Variants in MYT1L observed in about 807,000 individuals in gnomAD.
The protein encoded by MYT1L is myelin transcription factor 1-like protein.
Under a neutral mutation model 126.7 loss-of-function variants are expected in MYT1L, and 12 were observed. That is an observed-to-expected ratio of 0.09 (90% CI 0.06 to 0.15). MYT1L has a LOEUF of 0.15. Among genes scored for constraint, MYT1L ranks in the 10% least tolerant of loss-of-function variants. MYT1L has a pLI of 1.00. For synonymous variants in MYT1L, 541 were observed against 604.2 expected (o/e 0.90, Z 1.53); for missense variants, 979 against 1,585.2 (o/e 0.62, Z 6.49).
rs779322763 is a variant in MYT1L at position 1,839,160 on chromosome 2, G to T, written c.3069C>A (p.Leu1023=). The change falls in exon 21 of 25, where the codon CTC becomes CTA. Residue 1023 remains leucine (L), a synonymous_variant. Transcript: ENST00000647738. ...DGSGHVSGSF[L]THRSLSGCPR... ...ACGCGGCCACTCACCTGCGGTGTGT[G>T]AGGAAGCTGCCGCTGACGTGGCCTG... is the stretch of plus-strand genomic sequence containing the variant. 20 of 1,611,968 alleles carry T rather than the reference G, an allele frequency of 1.2e-5. No homozygotes were observed. Among genetic ancestry groups the T allele is most frequent in the Admixed American group, 1.7e-5 (1 of 59,966 alleles).
intron 2 of MYT1L, among the ~76,000 whole-genome samples, chr2:2,250,818 T>C (rs1334339478): frequency 6.6e-6 from 1 of 152,032 alleles, no homozygotes; most frequent in Non-Finnish European, 1.5e-5. Flanking sequence ...AAAAAGGAAA[T>C]TGAGAAAAAG....
intron 19 of MYT1L, among the ~76,000 whole-genome samples, chr2:1,851,300 A>G (rs2043234236): frequency 6.6e-6 from 1 of 152,136 alleles, no homozygotes; most frequent in Non-Finnish European, 1.5e-5. Context: ...GTGTCTCTTG[A>G]TGGCTTTTCT....
intron 3 of MYT1L, among the ~76,000 whole-genome samples, chr2:2,061,692 G>A (rs1373985942): frequency 6.6e-6 from 1 of 152,040 alleles, no homozygotes; most frequent in Non-Finnish European, 1.5e-5. Flanking sequence ...CTGGATTCTG[G>A]GAAATTCTTC....
chr2:1,898,634 G>C (rs1342780446), intron 14 of MYT1L, among the ~76,000 whole-genome samples: 1 of 152,246 alleles, frequency 6.6e-6, no homozygotes, highest in Non-Finnish European at 1.5e-5. Context: ...GTCTTGGCAG[G>C]TGGTACCCAA....
At chr2:1,820,979 C>T (rs2038437442) in intron 21 of MYT1L, among the ~76,000 whole-genome samples, 2 of 152,172 alleles carry the variant, frequency 1.3e-5, no homozygotes, top group African/African-American at 2.4e-5. Context: ...GGAACTTCTC[C>T]TGAACAAGAG....
chr2:2,067,305 G>A (rs1457157394), intron 3 of MYT1L, among the ~76,000 whole-genome samples: 2 of 152,184 alleles, frequency 1.3e-5, no homozygotes, highest in Non-Finnish European at 2.9e-5. Flanking sequence ...CTTCGGAATA[G>A]AGAAAGTATG....
intron 22 of MYT1L, among the ~76,000 whole-genome samples, chr2:1,802,258 C>T (rs1024970366): frequency 6.6e-6 from 1 of 152,172 alleles, no homozygotes; most frequent in Non-Finnish European, 1.5e-5. Flanking sequence ...AGGCCAGGTC[C>T]TCCCGCCCTC....
chr2:2,076,781 T>C (rs1464002568), intron 3 of MYT1L, among the ~76,000 whole-genome samples: 2 of 147,632 alleles, frequency 1.4e-5, no homozygotes, highest in Non-Finnish European at 1.5e-5. Context: ...ACAAAAAGCA[T>C]GAGAGATACA....
intron 18 of MYT1L, among the ~76,000 whole-genome samples, chr2:1,882,333 C>T (rs546281639): frequency 1.3e-4 from 20 of 152,182 alleles, no homozygotes; most frequent in Admixed American, 1.0e-3. Flanking sequence ...CCCATTCACG[C>T]GCATGGCTGA....
At chr2:2,177,310 C>A (rs994193468) in intron 2 of MYT1L, among the ~76,000 whole-genome samples, 4 of 152,090 alleles carry the variant, frequency 2.6e-5, no homozygotes, top group Non-Finnish European at 5.9e-5. Context: ...TGTTTCAATG[C>A]AATATTGTGT....
At chr2:1,792,991 C>T (rs2032513517) in intron 23 of MYT1L, among the ~76,000 whole-genome samples, 1 of 152,006 alleles carries the variant, frequency 6.6e-6, no homozygotes, top group Non-Finnish European at 1.5e-5. Flanking sequence ...AGACTGTTTC[C>T]CTGCGCGATC....
rs1004411055 is a variant in MYT1L at position 2,318,104 on chromosome 2, C to T, written c.-521+12863G>A. Among the ~76,000 whole-genome samples, 3 of 152,276 alleles carry T rather than the reference C, an allele frequency of 2.0e-5. No homozygotes were observed. The South Asian group carries it at 6.2e-4, about 32-fold the overall frequency. On this transcript the variant is annotated intron_variant, in intron 1 of 24. Transcript: ENST00000647738. ...TCACACTTCAGTTATGCCTTTGAGGCTAAAATACATGATTCAATTTGCACA... is the reference window on the plus strand; with the variant it reads ...TCACACTTCAGTTATGCCTTTGAGGTTAAAATACATGATTCAATTTGCACA...
At chr2:2,170,547 C>T (rs973813691) in intron 3 of MYT1L, among the ~76,000 whole-genome samples, 4 of 152,110 alleles carry the variant, frequency 2.6e-5, no homozygotes, top group African/African-American at 4.8e-5. Context: ...CTATGTAACA[C>T]GATGATTTAC....
At chr2:2,215,007 T>C (rs753273703) in intron 2 of MYT1L, among the ~76,000 whole-genome samples, 6 of 152,152 alleles carry the variant, frequency 3.9e-5, no homozygotes, top group Non-Finnish European at 7.4e-5. Context: ...TACAACTTAA[T>C]GGTAAAAAAT....
At chr2:2,106,153 C>T (rs752121677) in intron 3 of MYT1L, among the ~76,000 whole-genome samples, 6 of 152,070 alleles carry the variant, frequency 3.9e-5, no homozygotes, top group East Asian at 1.9e-4. Flanking sequence ...CCAGAAGCCC[C>T]GAGCAAAGAC....
At chr2:2,316,062 A>C (rs774587551) in intron 1 of MYT1L, among the ~76,000 whole-genome samples, 3 of 152,112 alleles carry the variant, frequency 2.0e-5, no homozygotes, top group Non-Finnish European at 4.4e-5. Context: ...TTCTCAGTGG[A>C]GCCTCCTTGG....
chr2:1,868,927 G>C (rs960342789), intron 18 of MYT1L, among the ~76,000 whole-genome samples: 1 of 152,180 alleles, frequency 6.6e-6, no homozygotes, highest in Non-Finnish European at 1.5e-5. Flanking sequence ...AGAGGGGAAG[G>C]CCTCTCAGTG....
chr2:2,224,403 C>T lies in MYT1L; in HGVS notation c.-420-51415G>A, dbSNP rs182925379. Reference sequence around the variant, plus strand: ...TAACATCCCCAAAAAGACCGGAGAGCTGGCGAGGTGACAGCCATGCTGCTC... The same window carrying T: ...TAACATCCCCAAAAAGACCGGAGAGTTGGCGAGGTGACAGCCATGCTGCTC... On this transcript the variant is annotated intron_variant, in intron 2 of 24. Transcript: ENST00000647738. The surrounding 1 kb of genome is among the most constrained non-coding windows in gnomAD (Gnocchi z 4.0). 3.0e-4 allele frequency among the ~76,000 whole-genome samples: 45 copies of T among 152,264 alleles called. 1 individual carries two copies. Among genetic ancestry groups the T allele is most frequent in the Admixed American group, 2.9e-3 (44 of 15,292 alleles).
intron 2 of MYT1L, among the ~76,000 whole-genome samples, chr2:2,208,904 T>C (rs2093406263): frequency 1.3e-5 from 2 of 152,320 alleles, no homozygotes; most frequent in South Asian, 4.1e-4. Flanking sequence ...TTATTATCTA[T>C]GGGCTATCCC....
Sources: gnomAD v4.1 joint callset for allele counts (sites outside exome capture counted in the v4.1 genomes callset) on GRCh38, gnomAD v4.1.1 for gene constraint, Gnocchi (gnomAD v3.1) non-coding constraint, MANE v1.5 for transcripts, NCBI Gene and HGNC (gene_info 2026-07-23, HGNC 2026-07-21) for gene names.